The following GADD45GIP1 variants were observed in gnomAD, a reference collection of about 807,000 sequenced individuals.
GADD45GIP1 encodes the protein large ribosomal subunit protein mL64.
In GADD45GIP1, 17 loss-of-function variants were observed where a neutral mutation model predicts 22.1. That is an observed-to-expected ratio of 0.77 (90% CI 0.53 to 1.15). The LOEUF (loss-of-function observed/expected upper bound fraction) is 1.15. GADD45GIP1 is among the 50% of genes most tolerant of loss of function. GADD45GIP1 has a pLI of 0.00. For missense variants in GADD45GIP1, 294 were observed against 314.0 expected, an observed-to-expected ratio of 0.94 and a Z score of 0.48; for synonymous variants, 135 against 138.4, an observed-to-expected ratio of 0.98 and a Z score of 0.17.
rs745310424 is a variant in GADD45GIP1, at chr19:12,954,074, G to A, written c.*134C>T. ...GAGTCCCTGTCCCCTTTTGAGTACA[G>A]CCAAGTGGGGGATTCCCCAGCTCTT... On this transcript the variant is annotated 3_prime_UTR_variant, in exon 2 of 2. Transcript: ENST00000316939. 5.0e-6 allele frequency: 4 copies of A among 798,802 alleles called. No homozygotes were observed. The highest frequency in any genetic ancestry group is 2.4e-5 in the Admixed American group (1 of 41,884). The allele number at this position is 798,802 out of a possible 1,614,324, so 49.5% of individuals were successfully genotyped here.
rs906625037 is a variant in GADD45GIP1 at position 12,953,136 on chromosome 19, T to G, written c.*1072A>C. Reference sequence around the variant, plus strand: ...AGAAAAAATATATATATATTCATGTTTATTTAAGAAATGGAAAAAAAAATC... The same window carrying G: ...AGAAAAAATATATATATATTCATGTGTATTTAAGAAATGGAAAAAAAAATC... On this transcript the variant is annotated 3_prime_UTR_variant, in exon 2 of 2. Transcript: ENST00000316939. 1.0e-5 allele frequency: 9 copies of G among 857,616 alleles called. No individual in the cohort carries two copies. The highest frequency in any genetic ancestry group is 9.0e-5 in the East Asian group (3 of 33,410). The allele number at this position is 857,616 out of a possible 1,614,324, so 53.1% of individuals were successfully genotyped here. A position where few individuals can be genotyped will look rare whatever the true frequency, so the allele number is the denominator to read the frequency against.
At chr19:12,954,996 T>C (rs1028796198) in intron 1 of GADD45GIP1, among the ~76,000 whole-genome samples, 3 of 152,246 alleles carry the variant, frequency 2.0e-5, no homozygotes, top group African/African-American at 7.2e-5. Flanking sequence ...AAGTGCAGGT[T>C]TGTTACGTAG....
In GADD45GIP1 at chr19:12,953,143, A is replaced by G; in HGVS notation, c.*1065T>C. On this transcript the variant is annotated 3_prime_UTR_variant, in exon 2 of 2. Transcript: ENST00000316939. ...ATATATATATATTCATGTTTATTTA[A>G]GAAATGGAAAAAAAAATCAAAAATC... 1.2e-6 allele frequency: 1 copy of G among 831,142 alleles called. No homozygotes were observed. The highest frequency in any genetic ancestry group is 1.8e-6 in the Non-Finnish European group (1 of 559,158). The allele number at this position is 831,142 out of a possible 1,614,324, so 51.5% of individuals were successfully genotyped here.
rs781168060 is a variant in GADD45GIP1, at chr19:12,954,530, C to T, written c.351-4G>A. On this transcript the variant is annotated splice_polypyrimidine_tract_variant and splice_region_variant and intron_variant, in intron 1 of 1. Coordinates refer to ENST00000316939, the MANE Select transcript of GADD45GIP1 (RefSeq NM_052850.4). ...GCACTCTGCGATGTGCTGCTCCCTG[C>T]AGGGGAGGGAGAGTGGGCTGTGACA... 3.7e-6 allele frequency: 6 copies of T among 1,604,334 alleles called. No individual in the cohort carries two copies. The highest frequency in any genetic ancestry group is 1.1e-5 in the South Asian group (1 of 90,274).
rs200131893 is a variant in GADD45GIP1 at position 12,957,020 on chromosome 19, C to T, written c.193G>A (p.Gly65Ser). The T allele has an allele frequency of 3.9e-4, 628 of 1,597,026 alleles. 4 individuals carry two copies. Among genetic ancestry groups the T allele is most frequent in the East Asian group, 2.2e-3 (99 of 44,712 alleles). ...RYAAKQFARY[G>S]AASGVVPGSL... ...CCGGGGACCACCCCGGAGGCGGCGC[C>T]GTAACGCGCGAACTGCTTAGCCGCG... The change falls in exon 1 of 2, where the codon GGC (glycine) becomes AGC (serine). Residue 65 changes from glycine (G) to serine (S), a missense_variant. Physicochemically the swap from Gly to Ser is moderately conservative, Grantham distance 56. Transcript: ENST00000316939.
rs746682388 is a variant in GADD45GIP1, at chr19:12,957,191, C to T, written c.22G>A (p.Ala8Thr). 1.4e-6 allele frequency: 2 copies of T among 1,403,648 alleles called. No individual in the cohort carries two copies. The highest frequency in any genetic ancestry group is 5.7e-5 in the East Asian group (2 of 35,154). The allele number at this position is 1,403,648 out of a possible 1,614,324, so 86.9% of individuals were successfully genotyped here. A position where few individuals can be genotyped will look rare whatever the true frequency, so the allele number is the denominator to read the frequency against. MAASVRQ[A>T]RSLLGVAATL... is the part of the protein sequence containing the mutation. ...GCCGCCACACCTAGTAGGCTGCGTGCCTGTCGCACGGACGCCGCCATCTTG... is the reference window on the plus strand; with the variant it reads ...GCCGCCACACCTAGTAGGCTGCGTGTCTGTCGCACGGACGCCGCCATCTTG... The change falls in exon 1 of 2, where the codon GCA (alanine) becomes ACA (threonine). Residue 8 changes from alanine (A) to threonine (T), a missense_variant. Transcript: ENST00000316939.
chr19:12,954,728 G>A (rs1267276343), intron 1 of GADD45GIP1, among the ~76,000 whole-genome samples: 3 of 152,190 alleles, frequency 2.0e-5, no homozygotes, highest in Non-Finnish European at 2.9e-5. Flanking sequence ...TTGATCACAA[G>A]GGCATGTCAA....
chr19:12,954,606 C>A, intron 1 of GADD45GIP1, 80 bp from the exon 2 acceptor site: 1 of 1,233,718 alleles, frequency 8.1e-7, no homozygotes, highest in Non-Finnish European at 1.1e-6. Context: ...ACCCATAGGC[C>A]TTTGCCCACG....
chr19:12,955,061 T>C (rs1027794829), intron 1 of GADD45GIP1, among the ~76,000 whole-genome samples: 2 of 152,164 alleles, frequency 1.3e-5, no homozygotes, highest in Non-Finnish European at 2.9e-5. Context: ...ACTCAGGTAT[T>C]AAACCTAGTA....
chr19:12,957,025 C>A lies in GADD45GIP1; in HGVS notation c.188G>T (p.Arg63Leu), dbSNP rs1971933305. 4 of 1,596,600 alleles carry A rather than the reference C, an allele frequency of 2.5e-6. No individual in the cohort carries two copies. The highest frequency in any genetic ancestry group is 3.4e-6 in the Non-Finnish European group (4 of 1,178,550). Residue 63 changes from arginine (R) to leucine (L), a missense_variant, in exon 1 of 2, where the codon CGT (arginine) becomes CTT (leucine). Transcript: ENST00000316939. ...GPRYAAKQFA[R>L]YGAASGVVPG... ...GACCACCCCGGAGGCGGCGCCGTAA[C>A]GCGCGAACTGCTTAGCCGCGTAGCG... is the stretch of plus-strand genomic sequence containing the variant.
In GADD45GIP1 at chr19:12,954,456, C is replaced by G; in HGVS notation, c.421G>C (p.Glu141Gln). 1 of 1,614,174 alleles carries G rather than the reference C, an allele frequency of 6.2e-7. No homozygotes were observed. Among genetic ancestry groups the G allele is most frequent in the Non-Finnish European group, 8.5e-7 (1 of 1,180,016 alleles). The change falls in exon 2 of 2, where the codon GAG becomes CAG. Residue 141 changes from glutamate to glutamine, a missense_variant. Physicochemically the swap from Glu to Gln is conservative, Grantham distance 29 (BLOSUM62 2). Coordinates refer to ENST00000316939, the MANE Select transcript of GADD45GIP1 (RefSeq NM_052850.4). The part of the protein sequence containing the change: ...MIVNWQQQQR[E>Q]NWEKAQADKE... ...TCAGCCTGGGCCTTCTCCCAGTTCT[C>G]CCGCTGCTGCTGCTGCCAGTTCACA... is the stretch of plus-strand genomic sequence containing the variant.
At position 12,954,062 on chromosome 19, in the gene GADD45GIP1, C is replaced by T. The variant is rs45520732; in HGVS notation, c.*146G>A. The T allele has an allele frequency of 1.7e-5, 13 of 745,734 alleles. No individual in the cohort carries two copies. The East Asian group carries it at 3.2e-4, about 19-fold the overall frequency. 46.2% of individuals were successfully genotyped at this position (745,734 alleles called of 1,614,324 possible). ...CAGCAGGGCCTAGAGTCCCTGTCCC[C>T]TTTTGAGTACAGCCAAGTGGGGGAT... On this transcript the variant is annotated 3_prime_UTR_variant, in exon 2 of 2. Transcript: ENST00000316939.
rs765706717 is a variant in GADD45GIP1 at position 12,954,176 on chromosome 19, G to A, written c.*32C>T. ...GCAGATCTCTTCAGGGGTACTGCCA[G>A]GTAGCAGGCTTTATTGGGAAGGGAC... On this transcript the variant is annotated 3_prime_UTR_variant, in exon 2 of 2. Coordinates refer to ENST00000316939, the MANE Select transcript of GADD45GIP1 (RefSeq NM_052850.4). 1.9e-6 allele frequency: 3 copies of A among 1,583,634 alleles called. No individual in the cohort carries two copies. Among genetic ancestry groups the A allele is most frequent in the East Asian group, 4.5e-5 (2 of 44,688 alleles).
In GADD45GIP1 at chr19:12,953,157, A is replaced by G; in HGVS notation, c.*1051T>C. 1.3e-6 allele frequency: 1 copy of G among 782,420 alleles called. No individual in the cohort carries two copies. Among genetic ancestry groups the G allele is most frequent in the South Asian group, 2.4e-5 (1 of 41,036 alleles). 48.5% of individuals were successfully genotyped at this position (782,420 alleles called of 1,614,324 possible). A position where few individuals can be genotyped will look rare whatever the true frequency, so the allele number is the denominator to read the frequency against. On this transcript the variant is annotated 3_prime_UTR_variant, in exon 2 of 2. Coordinates refer to ENST00000316939, the MANE Select transcript of GADD45GIP1 (RefSeq NM_052850.4). ...ATGTTTATTTAAGAAATGGAAAAAA[A>G]AATCAAAAATCTTAAAAAAACAAGC... is the stretch of plus-strand genomic sequence containing the variant.
At position 12,953,304 on chromosome 19, in the gene GADD45GIP1, C is replaced by T. The variant is rs567530769; in HGVS notation, c.*904G>A. The T allele has an allele frequency of 6.3e-5, 20 of 316,996 alleles. No individual in the cohort carries two copies. The highest frequency in any genetic ancestry group is 9.0e-5 in the Non-Finnish European group (16 of 178,208). 19.6% of individuals were successfully genotyped at this position (316,996 alleles called of 1,614,324 possible). A position where few individuals can be genotyped will look rare whatever the true frequency, so the allele number is the denominator to read the frequency against. ...CAGAGAAGCTGGCAGGACTGGGAGG[C>T]GACAGATGGGCCCCTCTTGGCCTCT... On this transcript the variant is annotated 3_prime_UTR_variant, in exon 2 of 2. Coordinates refer to ENST00000316939, the MANE Select transcript of GADD45GIP1 (RefSeq NM_052850.4).
Position 12,953,806 on chromosome 19 carries a change from T to C in GADD45GIP1, c.*402A>G, listed in dbSNP as rs934573323. ...CGGTGTCTCCTCCCCCAGTGTGTCA[T>C]TTCCAGGCAGTGGACCCCAGCCCAA... is the stretch of plus-strand genomic sequence containing the variant. On this transcript the variant is annotated 3_prime_UTR_variant, in exon 2 of 2. Coordinates refer to ENST00000316939, the MANE Select transcript of GADD45GIP1 (RefSeq NM_052850.4). 2 of 172,906 alleles carry C rather than the reference T, an allele frequency of 1.2e-5. No individual in the cohort carries two copies. The highest frequency in any genetic ancestry group is 4.8e-5 in the African/African-American group (2 of 41,822). 10.7% of individuals were successfully genotyped at this position (172,906 alleles called of 1,614,324 possible).
Position 12,957,165 on chromosome 19 carries a change from C to A in GADD45GIP1, c.48G>T (p.Ala16=). Residue 16 remains alanine, a synonymous_variant, in exon 1 of 2, where the codon GCG becomes GCT. Transcript: ENST00000316939. ...RQARSLLGVA[A]TLAPGSRGYR... ...AGCCACGGGAACCCGGGGCCAGGGTCGCCGCCACACCTAGTAGGCTGCGTG... is the reference window on the plus strand; with the variant it reads ...AGCCACGGGAACCCGGGGCCAGGGTAGCCGCCACACCTAGTAGGCTGCGTG... The A allele has an allele frequency of 7.0e-7, 1 of 1,419,870 alleles. No individual in the cohort carries two copies. The allele number at this position is 1,419,870 out of a possible 1,614,324, so 88.0% of individuals were successfully genotyped here. A position where few individuals can be genotyped will look rare whatever the true frequency, so the allele number is the denominator to read the frequency against.
intron 1 of GADD45GIP1, among the ~76,000 whole-genome samples, chr19:12,955,235 A>G (rs554500692): frequency 9.2e-5 from 14 of 152,270 alleles, no homozygotes; most frequent in African/African-American, 2.6e-4. Context: ...TAGGGATGAT[A>G]GCCTCCAGCT....
intron 1 of GADD45GIP1, among the ~76,000 whole-genome samples, chr19:12,956,194 A>G (rs1288961427): frequency 1.3e-5 from 2 of 152,216 alleles, no homozygotes; most frequent in African/African-American, 4.8e-5. Flanking sequence ...CCTTCCTACT[A>G]GTCGGCTGTC....
Sources: gnomAD v4.1 joint callset for allele counts (sites outside exome capture counted in the v4.1 genomes callset) on GRCh38, gnomAD v4.1.1 for gene constraint, MANE v1.5 for transcripts, NCBI Gene and HGNC (gene_info 2026-07-23, HGNC 2026-07-21) for gene names.